The following F10 variants were observed in gnomAD, a reference collection of about 807,000 sequenced individuals.
F10 encodes the protein coagulation factor X, also known as Stuart-Prower factor.
In F10, 29 loss-of-function variants were observed where a neutral mutation model predicts 37.1. The ratio of observed to expected loss-of-function variants is 0.78; its 90% CI spans 0.58 to 1.07. The LOEUF is 1.07. Ranked by LOEUF, F10 falls within the 50% of genes least tolerant of loss-of-function variation. F10 has a pLI of 0.00. For missense variants in F10, 539 were observed against 667.9 expected (o/e 0.81, Z 2.13); for synonymous variants, 262 against 268.6 (o/e 0.98, Z 0.24).
chr13:113,136,044 CAGA>C (rs1280331941), intron 2 of F10, among the ~76,000 whole-genome samples: 2 of 152,052 alleles, frequency 1.3e-5, no homozygotes, highest in Non-Finnish European at 2.9e-5. Context: ...CTTAACAGAT[CAGA>C]AGAAGAAAAT....
At chr13:113,147,617 GT>G (rs2036594243) in intron 7 of F10, 121 bp downstream of exon 7, 1 of 742,088 alleles carries the variant, frequency 1.3e-6, no homozygotes. Context: ...AATCCTATTT[GT>G]AGGGGTTAGG....
chr13:113,125,130 C>T (rs1249486619), intron 1 of F10, among the ~76,000 whole-genome samples: 6 of 152,238 alleles, frequency 3.9e-5, no homozygotes. Flanking sequence ...CTGGGAAAGA[C>T]ATGAATTTGG....
Position 113,139,269 on chromosome 13 carries a change from C to A in F10, c.257-88C>A. On this transcript the variant is annotated intron_variant, in intron 3 of 7. Coordinates refer to ENST00000375559, the MANE Select transcript of F10 (RefSeq NM_000504.4). This position sits in a 1 kb window ranked among gnomAD's most constrained non-coding sequence, Gnocchi z 5.2. ...CGGAAGACTCTTCCAGTTATCTGAA[C>A]GGCAGGGCCAAGGTTAGCACAGCAA... 9.7e-7 allele frequency: 1 copy of A among 1,031,348 alleles called. No individual in the cohort carries two copies. Among genetic ancestry groups the A allele is most frequent in the Non-Finnish European group, 1.5e-6 (1 of 667,624 alleles). The allele number at this position is 1,031,348 out of a possible 1,614,324, so 63.9% of individuals were successfully genotyped here.
At chr13:113,135,498 G>A (rs1477780310) in intron 2 of F10, among the ~76,000 whole-genome samples, 2 of 152,202 alleles carry the variant, frequency 1.3e-5, no homozygotes, top group Non-Finnish European at 2.9e-5. Flanking sequence ...ACAGAAGGCA[G>A]AAGCACAGAA....
At chr13:113,133,157 T>C (rs1005558674) in intron 2 of F10, among the ~76,000 whole-genome samples, 1 of 151,926 alleles carries the variant, frequency 6.6e-6, no homozygotes, top group African/African-American at 2.4e-5. Context: ...GGTCTCAAAT[T>C]GTTTATGTAA....
intron 3 of F10, among the ~76,000 whole-genome samples, 163 bp downstream of exon 3, chr13:113,138,644 T>TA (rs2036500436): frequency 6.6e-6 from 1 of 152,246 alleles, no homozygotes; most frequent in South Asian, 2.1e-4. Context: ...AAAGAGTTTT[T>TA]AGAGTAATTT....
rs144261454 is a variant in F10, at chr13:113,127,464, G to T, written c.71-1988G>T. ...AAAAGACTACAGAGGGCCAAGAAAA[G>T]AAACTGAGGCTGTCAAAATGAAAAG... On this transcript the variant is annotated intron_variant, in intron 1 of 7. Transcript: ENST00000375559. Among the ~76,000 whole-genome samples the T allele has an allele frequency of 1.7e-3, 262 of 152,268 alleles. 2 individuals are homozygous for T. The highest frequency in any genetic ancestry group is 7.7e-3 in the South Asian group (37 of 4,826).
rs1490075000 is a variant in F10, at chr13:113,146,145, T to G, written c.748-1234T>G. ...AGAGAGGGATGCACTGAGGTGGCTC[T>G]GCAATGCATGTTTGTTGAGGGCCTT... On this transcript the variant is annotated intron_variant, in intron 6 of 7. Transcript: ENST00000375559. This position sits in a 1 kb window ranked among gnomAD's most constrained non-coding sequence, Gnocchi z 4.5. Among the ~76,000 whole-genome samples, 1 of 152,194 alleles carries G rather than the reference T, an allele frequency of 6.6e-6. No individual in the cohort carries two copies. Among genetic ancestry groups the G allele is most frequent in the East Asian group, 1.9e-4 (1 of 5,196 alleles).
chr13:113,148,922 G>C lies in F10; in HGVS notation c.872G>C (p.Arg291Pro). The C allele has an allele frequency of 6.2e-7, 1 of 1,613,362 alleles. No individual in the cohort carries two copies. The highest frequency in any genetic ancestry group is 8.5e-7 in the Non-Finnish European group (1 of 1,179,874). Residue 291 changes from arginine to proline, a missense_variant, in exon 8 of 8, where the codon CGG becomes CCG. Physicochemically the swap from Arg to Pro is moderately radical, Grantham distance 103. This residue lies in a region of F10 where 409 missense variants were observed against 547.9 expected (regional missense o/e 0.75). Transcript: ENST00000375559. Reference protein sequence around the residue: ...AKRFKVRVGDRNTEQEEGGEA... With the variant: ...AKRFKVRVGDPNTEQEEGGEA... The stretch of plus-strand genomic sequence containing the variant: ...TCCCACTCGTCTGTCCCAGGGGACC[G>C]GAACACGGAGCAGGAGGAGGGCGGT...
rs1324042567 is a variant in F10 at position 113,143,954 on chromosome 13, A to G, written c.606A>G (p.Pro202=). The G allele has an allele frequency of 1.2e-6, 2 of 1,613,502 alleles. No homozygotes were observed. The highest frequency in any genetic ancestry group is 1.7e-6 in the Non-Finnish European group (2 of 1,179,980). Residue 202 remains proline, a synonymous_variant, in exon 6 of 8, where the codon CCA becomes CCG. Coordinates refer to ENST00000375559, the MANE Select transcript of F10 (RefSeq NM_000504.4). The surrounding 1 kb of genome is among the most constrained non-coding windows in gnomAD (Gnocchi z 6.8). ...CCCCTGACAGCATCACATGGAAGCC[A>G]TATGATGCAGCCGACCTGGACCCCA... ...GEAPDSITWK[P]YDAADLDPTE...
At chr13:113,126,597 A>G (rs960524068) in intron 1 of F10, among the ~76,000 whole-genome samples, 10 of 152,170 alleles carry the variant, frequency 6.6e-5, no homozygotes, top group African/African-American at 2.4e-4. Flanking sequence ...GCTCTAGGGT[A>G]GCAGAGAAAA....
chr13:113,124,966 C>T (rs140204213), intron 1 of F10, among the ~76,000 whole-genome samples: 1 of 152,344 alleles, frequency 6.6e-6, no homozygotes, highest in African/African-American at 2.4e-5. Flanking sequence ...TCCATCATCG[C>T]ATGGGGTTCT....
chr13:113,132,440 A>G (rs1381073074), intron 2 of F10, among the ~76,000 whole-genome samples: 1 of 152,250 alleles, frequency 6.6e-6, no homozygotes, highest in Non-Finnish European at 1.5e-5. Flanking sequence ...AAATATTGCT[A>G]TTAGGAAAAC....
chr13:113,136,376 C>T (rs2036478066), intron 2 of F10, among the ~76,000 whole-genome samples: 1 of 151,922 alleles, frequency 6.6e-6, no homozygotes, highest in African/African-American at 2.4e-5. Flanking sequence ...CATTTCTGGG[C>T]ATTTACCCTA....
rs2036505452 is a variant in F10 at position 113,139,259 on chromosome 13, G to A, written c.257-98G>A. ...ACAGAGAAACCGGAAGACTCTTCCA[G>A]TTATCTGAACGGCAGGGCCAAGGTT... On this transcript the variant is annotated intron_variant, in intron 3 of 7. Coordinates refer to ENST00000375559, the MANE Select transcript of F10 (RefSeq NM_000504.4). The surrounding 1 kb of genome is among the most constrained non-coding windows in gnomAD (Gnocchi z 5.2). 1 of 920,176 alleles carries A rather than the reference G, an allele frequency of 1.1e-6. No homozygotes were observed. The highest frequency in any genetic ancestry group is 2.0e-5 in the Admixed American group (1 of 50,906). 57.0% of individuals were successfully genotyped at this position (920,176 alleles called of 1,614,324 possible).
intron 1 of F10, among the ~76,000 whole-genome samples, chr13:113,123,810 C>T (rs2036344141): frequency 6.6e-6 from 1 of 152,150 alleles, no homozygotes; most frequent in South Asian, 2.1e-4. Flanking sequence ...CTTCTCCATC[C>T]CACCCTCAAC....
chr13:113,129,857 T>G (rs764165613), intron 2 of F10: 1 of 556,628 alleles, frequency 1.8e-6, no homozygotes, highest in African/African-American at 1.9e-5. Flanking sequence ...CCCAAGTCCC[T>G]TGAGGGTCAC....
At position 113,146,568 on chromosome 13, in the gene F10, TCTTAGAAAGC is replaced by T. The variant is rs1566921709; in HGVS notation, c.748-808_748-799del. Among the ~76,000 whole-genome samples, 1 of 152,190 alleles carries T rather than the reference TCTTAGAAAGC, an allele frequency of 6.6e-6. No homozygotes were observed. Among genetic ancestry groups the T allele is most frequent in the Non-Finnish European group, 1.5e-5 (1 of 68,034 alleles). On this transcript the variant is annotated intron_variant, in intron 6 of 7. Transcript: ENST00000375559. This position sits in a 1 kb window ranked among gnomAD's most constrained non-coding sequence, Gnocchi z 4.5. ...TTAGGAAGAATGGTTGGTGTTCGTG[TCTTAGAAAGC>T]CTGACTTTCCCTCATGTAAGCTGGA...
At position 113,144,026 on chromosome 13, in the gene F10, G is replaced by A; in HGVS notation, c.678G>A (p.Glu226=). The change falls in exon 6 of 8, where the codon GAG becomes GAA. Residue 226 remains glutamate (E), a synonymous_variant. Transcript: ENST00000375559. The surrounding 1 kb of genome is among the most constrained non-coding windows in gnomAD (Gnocchi z 6.4). ...DLLDFNQTQP[E]RGDNNLTRIV... ...TTGACTTCAACCAGACGCAGCCTGA[G>A]AGGGGCGACAACAACCTCACCAGGA... is the stretch of plus-strand genomic sequence containing the variant. 6.2e-7 allele frequency: 1 copy of A among 1,613,810 alleles called. No individual in the cohort carries two copies. Among genetic ancestry groups the A allele is most frequent in the Non-Finnish European group, 8.5e-7 (1 of 1,179,992 alleles).
Sources: allele counts gnomAD v4.1 joint callset (sites outside exome capture counted in the v4.1 genomes callset), GRCh38; gene constraint gnomAD v4.1.1; regional missense constraint gnomAD v4.1.1; non-coding constraint Gnocchi (gnomAD v3.1); transcripts MANE v1.5; gene names NCBI Gene and HGNC (gene_info 2026-07-23, HGNC 2026-07-21).